Variants in AGBL1 observed in about 807,000 individuals in gnomAD.
AGBL1 encodes cytosolic carboxypeptidase 4.
In AGBL1, 130 loss-of-function variants were observed where a neutral mutation model predicts 118.9. That is an observed-to-expected ratio of 1.09 (90% CI 0.95 to 1.26). The LOEUF (loss-of-function observed/expected upper bound fraction) is 1.26. Ranked by LOEUF, AGBL1 falls within the 50% of genes most tolerant of loss-of-function variation. AGBL1 has a pLI of 0.00. For missense variants in AGBL1, 1,584 were observed against 1,298.1 expected (o/e 1.22, Z -3.38); for synonymous variants, 555 against 478.9 (o/e 1.16, Z -2.08).
intron 17 of AGBL1, among the ~76,000 whole-genome samples, chr15:86,365,895 T>C (rs2141932014): frequency 7.0e-6 from 1 of 143,712 alleles, no homozygotes; most frequent in Middle Eastern, 3.6e-3. Flanking sequence ...ATTGATATTT[T>C]ATCCCTGTGA....
chr15:86,161,730 C>G (rs533055287), intron 5 of AGBL1, among the ~76,000 whole-genome samples: 4 of 152,148 alleles, frequency 2.6e-5, no homozygotes, highest in Non-Finnish European at 5.9e-5. Context: ...CTTTTGAATT[C>G]TTTCCCAAAG....
intron 22 of AGBL1, among the ~76,000 whole-genome samples, chr15:86,778,825 A>G (rs1163332709): frequency 1.3e-5 from 2 of 152,200 alleles, no homozygotes; most frequent in Non-Finnish European, 2.9e-5. Flanking sequence ...TAAAGTAAAG[A>G]CAGGCATAGG....
At chr15:86,660,088 T>C (rs2085515777) in intron 21 of AGBL1, among the ~76,000 whole-genome samples, 1 of 151,650 alleles carries the variant, frequency 6.6e-6, no homozygotes, top group Non-Finnish European at 1.5e-5. Flanking sequence ...TCCCTTTATC[T>C]AGTAAGCAGA....
At chr15:86,755,792 A>G (rs1006254015) in intron 22 of AGBL1, among the ~76,000 whole-genome samples, 2 of 152,044 alleles carry the variant, frequency 1.3e-5, no homozygotes, top group Non-Finnish European at 2.9e-5. Context: ...GCCTTGCACT[A>G]TTGTTACCTG....
intron 17 of AGBL1, among the ~76,000 whole-genome samples, chr15:86,358,008 A>C (rs1266370828): frequency 1.3e-5 from 2 of 152,114 alleles, no homozygotes; most frequent in African/African-American, 4.8e-5. Context: ...CTATCACCTC[A>C]CATACTTATA....
rs1332533564 is a variant in AGBL1, at chr15:86,613,112, G to C, written c.2994+58575G>C. 6.6e-6 allele frequency among the ~76,000 whole-genome samples: 1 copy of C among 152,162 alleles called. No homozygotes were observed. Among genetic ancestry groups the C allele is most frequent in the Admixed American group, 6.5e-5 (1 of 15,278 alleles). ...GGCACATGTTCTCAGGACCACCTGA[G>C]GCTGTGTTACAGGCCATGGTTCTTA... On this transcript the variant is annotated intron_variant, in intron 21 of 22. Transcript: ENST00000614907. This position sits in a 1 kb window ranked among gnomAD's most constrained non-coding sequence, Gnocchi z 4.2.
intron 17 of AGBL1, among the ~76,000 whole-genome samples, chr15:86,300,922 C>T (rs1357606596): frequency 2.0e-5 from 3 of 152,198 alleles, no homozygotes; most frequent in Non-Finnish European, 4.4e-5. Flanking sequence ...ACTGCGGCAC[C>T]TGCCTTGGGT....
intron 23 of AGBL1, chr15:86,946,271 G>A (rs1405188682): frequency 6.6e-6 from 1 of 152,156 alleles, no homozygotes; most frequent in East Asian, 1.9e-4. Flanking sequence ...TGAGCAGACT[G>A]GATCTTGCCT....
rs547823468 is a variant in AGBL1, at chr15:86,915,973, GA to G, written c.*8681del. On this transcript the variant is annotated 3_prime_UTR_variant, in exon 23 of 23. Coordinates refer to ENST00000614907, the MANE Select transcript of AGBL1 (RefSeq NM_001386094.1). ...GTGCCTCCTGGTCGGTAATTTTCCAGAAGCAATTTCTTGTTTCCTCCAAATG... is the reference window on the plus strand; with the variant it reads ...GTGCCTCCTGGTCGGTAATTTTCCAGAGCAATTTCTTGTTTCCTCCAAATG... 4.2e-4 allele frequency: 64 copies of G among 152,298 alleles called. No individual in the cohort carries two copies. The highest frequency in any genetic ancestry group is 1.4e-3 in the African/African-American group (59 of 41,554). 9.4% of individuals were successfully genotyped at this position (152,298 alleles called of 1,614,324 possible).
chr15:86,572,224 A>G (rs2084020401), intron 21 of AGBL1, among the ~76,000 whole-genome samples: 1 of 152,088 alleles, frequency 6.6e-6, no homozygotes, highest in African/African-American at 2.4e-5. Context: ...AAGAACAGAG[A>G]TGCCCGGGTC....
At chr15:86,207,381 G>C (rs2141874435) in intron 5 of AGBL1, among the ~76,000 whole-genome samples, 1 of 152,266 alleles carries the variant, frequency 6.6e-6, no homozygotes, top group South Asian at 2.1e-4. Context: ...GGATGGCATT[G>C]AATCTATAAA....
chr15:86,200,267 C>T (rs1316714968), intron 5 of AGBL1, among the ~76,000 whole-genome samples: 6 of 151,984 alleles, frequency 3.9e-5, no homozygotes, highest in Non-Finnish European at 7.4e-5. Context: ...GAAAAAGAAC[C>T]AGTGTCATTA....
intron 23 of AGBL1, among the ~76,000 whole-genome samples, chr15:86,983,558 T>C (rs746758097): frequency 6.6e-6 from 1 of 152,232 alleles, no homozygotes; most frequent in Non-Finnish European, 1.5e-5. Context: ...TTTATTCAGA[T>C]GTAATTATAT....
intron 21 of AGBL1, among the ~76,000 whole-genome samples, chr15:86,564,499 T>A (rs373962865): frequency 6.6e-6 from 1 of 152,214 alleles, no homozygotes; most frequent in African/African-American, 2.4e-5. Context: ...CCGAGAGATC[T>A]GCTGTTAGTC....
At chr15:86,624,418 A>G (rs979126162) in intron 21 of AGBL1, among the ~76,000 whole-genome samples, 1 of 152,226 alleles carries the variant, frequency 6.6e-6, no homozygotes, top group Non-Finnish European at 1.5e-5. Context: ...ATACAGTGCC[A>G]TGGTTTGAGT....
intron 1 of AGBL1, among the ~76,000 whole-genome samples, chr15:86,104,393 T>C (rs147475993): frequency 2.6e-5 from 4 of 152,142 alleles, no homozygotes; most frequent in African/African-American, 7.2e-5. Flanking sequence ...AGTATATGCT[T>C]TCACCCCAGT....
At chr15:86,536,430 C>T (rs910875884) in intron 19 of AGBL1, among the ~76,000 whole-genome samples, 1 of 152,192 alleles carries the variant, frequency 6.6e-6, no homozygotes, top group African/African-American at 2.4e-5. Context: ...CCTGCCTCAG[C>T]TTCCTGAGTA....
chr15:86,195,327 T>A (rs1365883137), intron 5 of AGBL1, among the ~76,000 whole-genome samples: 1 of 152,154 alleles, frequency 6.6e-6, no homozygotes. Context: ...CATATAGTCA[T>A]CCTGGACTAA....
intron 1 of AGBL1, among the ~76,000 whole-genome samples, chr15:86,118,418 G>A (rs757687157): frequency 7.9e-5 from 12 of 151,716 alleles, no homozygotes; most frequent in African/African-American, 1.2e-4. Flanking sequence ...GCAGCACCAC[G>A]TACACTGTTG....
Sources: allele counts gnomAD v4.1 joint callset (sites outside exome capture counted in the v4.1 genomes callset), GRCh38; gene constraint gnomAD v4.1.1; non-coding constraint Gnocchi (gnomAD v3.1); transcripts MANE v1.5; gene names NCBI Gene and HGNC (gene_info 2026-07-23, HGNC 2026-07-21).